The following REC114 variants were observed in gnomAD, a reference collection of about 807,000 sequenced individuals.
The protein encoded by REC114 is meiotic recombination protein REC114.
In REC114, 27 loss-of-function variants were observed where a neutral mutation model predicts 31.3. The ratio of observed to expected loss-of-function variants is 0.86; its 90% CI spans 0.64 to 1.19. REC114 has a LOEUF of 1.19. Among genes scored for constraint, REC114 ranks in the 50% most tolerant of loss-of-function variants. The probability of loss-of-function intolerance (pLI) is 0.00; values close to 1 mark genes in which losing one functional copy is unlikely to be tolerated. For missense variants in REC114, 344 were observed against 326.9 expected, an observed-to-expected ratio of 1.05 and a Z score of -0.40; for synonymous variants, 134 against 127.7, an observed-to-expected ratio of 1.05 and a Z score of -0.33.
intron 2 of REC114, among the ~76,000 whole-genome samples, chr15:73,478,683 C>T (rs995139390): frequency 3.3e-5 from 5 of 152,048 alleles, no homozygotes; most frequent in African/African-American, 1.2e-4. Context: ...TTTCTTTTAC[C>T]ATCTTCTAAG....
At chr15:73,523,668 C>T (rs1490848972) in intron 2 of REC114, among the ~76,000 whole-genome samples, 1 of 152,134 alleles carries the variant, frequency 6.6e-6, no homozygotes, top group African/African-American at 2.4e-5. Flanking sequence ...ATTTTCTTAA[C>T]GTTGCCTTTG....
At chr15:73,488,179 C>G (rs768501408) in intron 2 of REC114, among the ~76,000 whole-genome samples, 10 of 152,208 alleles carry the variant, frequency 6.6e-5, no homozygotes, top group African/African-American at 9.6e-5. Flanking sequence ...GTTCTGCCCT[C>G]AAGGCTCTGG....
At chr15:73,457,891 G>C (rs1892938842) in intron 1 of REC114, among the ~76,000 whole-genome samples, 1 of 152,194 alleles carries the variant, frequency 6.6e-6, no homozygotes, top group Non-Finnish European at 1.5e-5. Context: ...ATGGAACTGT[G>C]TGCTTCACAC....
chr15:73,504,004 T>C (rs1893638433), intron 2 of REC114, among the ~76,000 whole-genome samples: 1 of 136,460 alleles, frequency 7.3e-6, no homozygotes, highest in African/African-American at 2.7e-5. Context: ...GGAATTTTTT[T>C]TTTTTTTTTT....
intron 2 of REC114, among the ~76,000 whole-genome samples, 181 bp downstream of exon 2, chr15:73,474,102 C>T (rs972339757): frequency 1.2e-4 from 19 of 152,104 alleles, no homozygotes; most frequent in Non-Finnish European, 2.4e-4. Flanking sequence ...TATTGCCTGC[C>T]CTAAAGGGGT....
In REC114 at chr15:73,545,974, T is replaced by G. The variant is rs550192134; in HGVS notation, c.334-4964T>G. Among the ~76,000 whole-genome samples the G allele has an allele frequency of 7.2e-5, 11 of 152,264 alleles. No individual in the cohort carries two copies. The South Asian group carries it at 1.7e-3, about 23-fold the overall frequency. On this transcript the variant is annotated intron_variant, in intron 3 of 5. Transcript: ENST00000331090. ...TCACAAAAGAAGATTCATAGTAGTA[T>G]TATAGATTGAATGTATAGGTCTCTT...
chr15:73,505,961 C>A lies in REC114; in HGVS notation c.249+32040C>A, dbSNP rs1054327247. 2.6e-5 allele frequency among the ~76,000 whole-genome samples: 4 copies of A among 152,086 alleles called. No individual in the cohort carries two copies. The East Asian group carries it at 5.8e-4, about 22-fold the overall frequency. On this transcript the variant is annotated intron_variant, in intron 2 of 5. Transcript: ENST00000331090. Reference sequence around the variant, plus strand: ...CTTCTTTTTATTCCTACTAATGGAGCGGTTGAAGAGGGCACGCCTGCACGT... The same window carrying A: ...CTTCTTTTTATTCCTACTAATGGAGAGGTTGAAGAGGGCACGCCTGCACGT...
intron 2 of REC114, among the ~76,000 whole-genome samples, chr15:73,508,428 T>C (rs1010451010): frequency 2.6e-5 from 4 of 151,574 alleles, no homozygotes; most frequent in Non-Finnish European, 5.9e-5. Context: ...AGTTTCTTTT[T>C]TTTTTTTTCT....
At chr15:73,451,288 A>T (rs528604940) in intron 1 of REC114, among the ~76,000 whole-genome samples, 1 of 152,354 alleles carries the variant, frequency 6.6e-6, no homozygotes, top group African/African-American at 2.4e-5. Context: ...ATAAAAAATG[A>T]TAAAGGGGCT....
intron 2 of REC114, among the ~76,000 whole-genome samples, chr15:73,530,924 C>T (rs558812200): frequency 4.6e-5 from 7 of 152,164 alleles, no homozygotes; most frequent in Non-Finnish European, 5.9e-5. Flanking sequence ...GGCCTGGGGA[C>T]GAGGTGCACT....
chr15:73,495,070 A>C (rs1246726424), intron 2 of REC114, among the ~76,000 whole-genome samples: 1 of 152,124 alleles, frequency 6.6e-6, no homozygotes, highest in Non-Finnish European at 1.5e-5. Flanking sequence ...TTAGTATGAA[A>C]ATCTTAACCA....
chr15:73,538,077 G>C (rs1458539712), intron 2 of REC114, among the ~76,000 whole-genome samples: 1 of 152,088 alleles, frequency 6.6e-6, no homozygotes, highest in Non-Finnish European at 1.5e-5. Flanking sequence ...TGTGGCAGGT[G>C]CAACTAAAAA....
chr15:73,486,385 T>C (rs1040443755), intron 2 of REC114, among the ~76,000 whole-genome samples: 2 of 152,120 alleles, frequency 1.3e-5, no homozygotes, highest in Non-Finnish European at 2.9e-5. Context: ...CATGAGCCAC[T>C]GTACCCGGCC....
intron 2 of REC114, among the ~76,000 whole-genome samples, chr15:73,493,502 AT>A (rs1360553453): frequency 6.6e-6 from 1 of 151,128 alleles, no homozygotes; most frequent in Non-Finnish European, 1.5e-5. Context: ...TAGATCTATT[AT>A]TTTTTCTTTT....
intron 5 of REC114, among the ~76,000 whole-genome samples, chr15:73,556,989 A>C (rs760069751): frequency 2.6e-5 from 4 of 151,060 alleles, no homozygotes; most frequent in Non-Finnish European, 2.9e-5. Context: ...TGCATTCCTC[A>C]TTGCAGGTGT....
At chr15:73,504,526 G>T (rs1336169595) in intron 2 of REC114, among the ~76,000 whole-genome samples, 1 of 152,058 alleles carries the variant, frequency 6.6e-6, no homozygotes, top group Non-Finnish European at 1.5e-5. Flanking sequence ...AGGAATCCTA[G>T]CCCCTCCTTC....
At chr15:73,476,631 T>C (rs1233964058) in intron 2 of REC114, among the ~76,000 whole-genome samples, 1 of 152,240 alleles carries the variant, frequency 6.6e-6, no homozygotes, top group Admixed American at 6.5e-5. Context: ...AATGGAATCA[T>C]ATGATATGTA....
At chr15:73,553,984 T>C (rs1894427131) in intron 4 of REC114, among the ~76,000 whole-genome samples, 1 of 152,176 alleles carries the variant, frequency 6.6e-6, no homozygotes, top group Admixed American at 6.5e-5. Context: ...TAAAATGCTG[T>C]ATAGAAAGTA....
At chr15:73,451,542 T>C (rs1272251931) in intron 1 of REC114, among the ~76,000 whole-genome samples, 1 of 152,206 alleles carries the variant, frequency 6.6e-6, no homozygotes, top group Non-Finnish European at 1.5e-5. Context: ...AGCTGAATTA[T>C]ACTAGAGGTA....
Sources: allele counts gnomAD v4.1 joint callset (sites outside exome capture counted in the v4.1 genomes callset), GRCh38; gene constraint gnomAD v4.1.1; transcripts MANE v1.5; gene names NCBI Gene and HGNC (gene_info 2026-07-23, HGNC 2026-07-21).